Variants in CHRDL2 observed in about 807,000 individuals in gnomAD.
CHRDL2 encodes the protein chordin-like protein 2.
A neutral mutation model predicts 54.3 loss-of-function variants in CHRDL2; 41 were observed. That is an observed-to-expected ratio of 0.76 (90% CI 0.59 to 0.98). The LOEUF (loss-of-function observed/expected upper bound fraction) is 0.98, where lower values mean the gene tolerates loss of function less well. Among genes scored for constraint, CHRDL2 ranks in the 50% least tolerant of loss-of-function variants. The pLI is 0.00. For synonymous variants in CHRDL2, 220 were observed against 224.3 expected, an observed-to-expected ratio of 0.98 and a Z score of 0.17; for missense variants, 518 against 562.4, an observed-to-expected ratio of 0.92 and a Z score of 0.80.
intron 6 of CHRDL2, among the ~76,000 whole-genome samples, chr11:74,705,064 T>A (rs1276140606): frequency 6.6e-6 from 1 of 152,052 alleles, no homozygotes; most frequent in Admixed American, 6.6e-5. Flanking sequence ...GGAGATTTAG[T>A]TGGTGGCTGG....
At chr11:74,728,763 A>G (rs1363101214) in intron 1 of CHRDL2, among the ~76,000 whole-genome samples, 4 of 152,140 alleles carry the variant, frequency 2.6e-5, no homozygotes, top group East Asian at 1.9e-4. Flanking sequence ...AACTCTAAGT[A>G]TAGGTATATT....
chr11:74,730,807 G>A lies in CHRDL2; in HGVS notation c.82C>T (p.Arg28Cys). The A allele has an allele frequency of 1.9e-6, 3 of 1,610,008 alleles. No homozygotes were observed. Among genetic ancestry groups the A allele is most frequent in the Non-Finnish European group, 1.7e-6 (2 of 1,178,570 alleles). Residue 28 changes from arginine to cysteine, a missense_variant and splice_region_variant, in exon 1 of 11, where the codon CGC becomes TGC. Transcript: ENST00000376332. ...WFPLDSHARA[R>C]PDMFCLFHGK... The stretch of plus-strand genomic sequence containing the variant: ...CCACCCAGCCTCCCGGTCTACTTAC[G>A]GGCTCGAGCGTGGGAGTCCAGGGGG...
chr11:74,699,081 T>A (rs750780276), intron 9 of CHRDL2: 1 of 152,362 alleles, frequency 6.6e-6, no homozygotes, highest in African/African-American at 2.4e-5. Flanking sequence ...CCAGCCCAGA[T>A]GCCAAGGACC....
At chr11:74,706,462 C>T in intron 6 of CHRDL2, 25 bp downstream of exon 6, 1 of 1,612,982 alleles carries the variant, frequency 6.2e-7, no homozygotes, top group Admixed American at 1.7e-5. Context: ...TGTCCCGCAC[C>T]CCGTCAATAA....
rs552336668 is a variant in CHRDL2 at position 74,704,481 on chromosome 11, C to T, written c.751+5G>A. The T allele has an allele frequency of 2.5e-5, 39 of 1,585,656 alleles. No homozygotes were observed. In the East Asian group the frequency reaches 9.0e-4, roughly 37 times the overall value. On this transcript the variant is annotated splice_donor_5th_base_variant and intron_variant, in intron 7 of 10. Coordinates refer to ENST00000376332, the MANE Select transcript of CHRDL2 (RefSeq NM_001278473.3). ...TCACAGATTGGAGGAGGGTCCAGTC[C>T]CCACCTTTCTTATGTTTCTCCTTCA...
At chr11:74,712,286 C>T (rs1355937827) in intron 3 of CHRDL2, among the ~76,000 whole-genome samples, 1 of 151,978 alleles carries the variant, frequency 6.6e-6, no homozygotes, top group Non-Finnish European at 1.5e-5. Context: ...GGGAAGGCTT[C>T]CTGAAGGGCC....
chr11:74,698,151 C>T (rs1483496105), intron 9 of CHRDL2: 1 of 151,798 alleles, frequency 6.6e-6, no homozygotes, highest in East Asian at 1.9e-4. Context: ...GCAACTTCTG[C>T]CTCCCGGGTT....
rs543588558 is a variant in CHRDL2 at position 74,696,733 on chromosome 11, G to A, written c.1214-148C>T. 42 of 646,594 alleles carry A rather than the reference G, an allele frequency of 6.5e-5. No individual in the cohort carries two copies. The South Asian group carries it at 6.8e-4, about 10-fold the overall frequency. The allele number at this position is 646,594 out of a possible 1,614,324, so 40.1% of individuals were successfully genotyped here. On this transcript the variant is annotated intron_variant, in intron 10 of 10. Coordinates refer to ENST00000376332, the MANE Select transcript of CHRDL2 (RefSeq NM_001278473.3). ...CCACAGGGAGCCTGGAGGCGAGTGT[G>A]CCATCACACTGGGTGTGATGGGGCA...
intron 9 of CHRDL2, chr11:74,701,437 G>A (rs1392332580): frequency 2.0e-5 from 11 of 543,338 alleles, no homozygotes; most frequent in Non-Finnish European, 3.4e-5. Context: ...GAGCCACGAA[G>A]CCAGCAGTCC....
chr11:74,702,710 G>T, intron 9 of CHRDL2, 84 bp downstream of exon 9: 1 of 1,448,954 alleles, frequency 6.9e-7, no homozygotes. Flanking sequence ...TCAGCAAAAC[G>T]TCCCTAAGGC....
chr11:74,725,593 C>A (rs1029435381), intron 1 of CHRDL2, among the ~76,000 whole-genome samples: 1 of 152,048 alleles, frequency 6.6e-6, no homozygotes, highest in East Asian at 1.9e-4. Flanking sequence ...TTGAAACTCT[C>A]ATGCTGTGAT....
At position 74,704,339 on chromosome 11, in the gene CHRDL2, T is replaced by C. The variant is rs1246565013; in HGVS notation, c.751+147A>G. On this transcript the variant is annotated intron_variant, in intron 7 of 10. Transcript: ENST00000376332. The stretch of plus-strand genomic sequence containing the variant: ...TCTTTAAGAGCACCCTCATTCAGTT[T>C]TGGCGTTCTCCGAGTCTACAAGCTC... 7.5e-6 allele frequency: 5 copies of C among 667,474 alleles called. No individual in the cohort carries two copies. In the African/African-American group the frequency reaches 7.5e-5, roughly 10 times the overall value. The allele number at this position is 667,474 out of a possible 1,614,324, so 41.3% of individuals were successfully genotyped here.
At chr11:74,696,677 A>G (rs2033605561) in intron 10 of CHRDL2, 92 bp from the exon 11 acceptor site, 1 of 943,548 alleles carries the variant, frequency 1.1e-6, no homozygotes, top group Admixed American at 1.9e-5. Flanking sequence ...GCCTTGGGCC[A>G]GGAGGAACTG....
In CHRDL2 at chr11:74,728,528, T is replaced by TTTG. The variant is rs5742048; in HGVS notation, c.82+2276_82+2278dup. Among the ~76,000 whole-genome samples the TTTG allele has an allele frequency of 8.6e-5, 13 of 150,708 alleles. No homozygotes were observed. In the South Asian group the frequency reaches 1.1e-3, roughly 12 times the overall value. On this transcript the variant is annotated intron_variant, in intron 1 of 10. Transcript: ENST00000376332. ...TCCAGGACCCAGGTCTGTTCTGTTT[T>TTTG]TTGTTGTTGTTGTTGTTGTTGTTTT... is the stretch of plus-strand genomic sequence containing the variant.
chr11:74,721,146 G>A (rs1281597571), intron 1 of CHRDL2, among the ~76,000 whole-genome samples: 3 of 144,686 alleles, frequency 2.1e-5, no homozygotes, highest in Admixed American at 2.0e-4. Context: ...TCTACTGGCA[G>A]AGAGGGTGGG....
Position 74,710,968 on chromosome 11 carries a change from G to A in CHRDL2, c.313C>T (p.Arg105Trp), listed in dbSNP as rs765576605. The A allele has an allele frequency of 9.9e-6, 16 of 1,613,926 alleles. No homozygotes were observed. Among genetic ancestry groups the A allele is most frequent in the Middle Eastern group, 1.6e-4 (1 of 6,084 alleles). The change falls in exon 4 of 11, where the codon CGG becomes TGG. Residue 105 changes from arginine to tryptophan, a missense_variant. Arg to Trp is a moderately radical substitution (Grantham distance 101). Coordinates refer to ENST00000376332, the MANE Select transcript of CHRDL2 (RefSeq NM_001278473.3). ...CVEPHTPSGL[R>W]APPKSCQHNG... The stretch of plus-strand genomic sequence containing the variant: ...TGCTGGCAGGACTTTGGTGGGGCCC[G>A]GAGTCCAGAGGGAGTGTGAGGTTCT...
chr11:74,729,737 T>G lies in CHRDL2; in HGVS notation c.82+1070A>C, dbSNP rs374252959. 5.7e-4 allele frequency among the ~76,000 whole-genome samples: 87 copies of G among 152,298 alleles called. 1 individual carries two copies. In the East Asian group the frequency reaches 0.013, roughly 23 times the overall value. On this transcript the variant is annotated intron_variant, in intron 1 of 10. Transcript: ENST00000376332. The stretch of plus-strand genomic sequence containing the variant: ...AGGGTCTTAATCCCAGGCTGTGCCA[T>G]GTATGTCCTGGAGAAACCCACTGCT...
chr11:74,714,349 A>T (rs1217080068), intron 2 of CHRDL2, among the ~76,000 whole-genome samples: 2 of 152,194 alleles, frequency 1.3e-5, no homozygotes, highest in Non-Finnish European at 2.9e-5. Flanking sequence ...GAGAGTAAGG[A>T]AAGGAGGGGT....
chr11:74,718,601 T>C (rs1399087385), intron 2 of CHRDL2, 119 bp downstream of exon 2: 5 of 673,736 alleles, frequency 7.4e-6, no homozygotes, highest in Non-Finnish European at 1.3e-5. Flanking sequence ...TTGTCCCAAG[T>C]CTCTCAGCTG....
Sources: allele counts gnomAD v4.1 joint callset (sites outside exome capture counted in the v4.1 genomes callset), GRCh38; gene constraint gnomAD v4.1.1; transcripts MANE v1.5; gene names NCBI Gene and HGNC (gene_info 2026-07-23, HGNC 2026-07-21).